The following TEKTL1 variants were observed in gnomAD, a reference collection of about 807,000 sequenced individuals.
TEKTL1 encodes the protein tektin like 1, also known as tektin-like protein 1.
the TEKTL1 span, among the ~76,000 whole-genome samples, chr19:15,017,226 T>C: frequency 2.0e-5 from 3 of 151,858 alleles, no homozygotes; most frequent in South Asian, 4.2e-4. Flanking sequence ...TGTAAATGAA[T>C]GAAGGAAGGA....
the TEKTL1 span, chr19:15,020,675 A>G: frequency 1.3e-5 from 21 of 1,600,608 alleles, no homozygotes; most frequent in South Asian, 1.8e-4. Flanking sequence ...AGTCCACTGT[A>G]CTGGGTCGTA....
the TEKTL1 span, among the ~76,000 whole-genome samples, chr19:15,014,005 C>T: frequency 6.6e-6 from 1 of 152,176 alleles, no homozygotes; most frequent in East Asian, 1.9e-4. Flanking sequence ...CCTGCGCAGT[C>T]ATTGAATCCA....
chr19:15,013,913 G>T, the TEKTL1 span: 2 of 616,864 alleles, frequency 3.2e-6, no homozygotes, highest in East Asian at 2.8e-5. Context: ...ACTGCATTTT[G>T]CTTTGTGAAA....
At chr19:15,013,818 A>G in the TEKTL1 span, 1 of 1,334,162 alleles carries the variant, frequency 7.5e-7, no homozygotes, top group Non-Finnish European at 1.1e-6. Flanking sequence ...CTGGAGGGGG[A>G]TCCCTGGCTG....
At chr19:15,016,987 G>A in the TEKTL1 span, among the ~76,000 whole-genome samples, 1 of 152,182 alleles carries the variant, frequency 6.6e-6, no homozygotes, top group African/African-American at 2.4e-5. Context: ...CAGGAGAGTT[G>A]CTTGAGGCCA....
the TEKTL1 span, chr19:15,011,101 C>A: frequency 1.1e-5 from 17 of 1,565,326 alleles, no homozygotes; most frequent in East Asian, 2.3e-5. Context: ...CAGGCGAGGG[C>A]GTCACGCTGT....
At chr19:15,023,110 G>C in the TEKTL1 span, 16 of 1,600,968 alleles carry the variant, frequency 1.0e-5, no homozygotes, top group Non-Finnish European at 1.3e-5. Context: ...AGAGCAGCGC[G>C]GACCCCTAGT....
chr19:15,018,715 A>ATATATATATATATATATATATAT, the TEKTL1 span, among the ~76,000 whole-genome samples: 6 of 68,290 alleles, frequency 8.8e-5, no homozygotes, highest in African/African-American at 2.5e-4. Context: ...CCTATCTCAA[A>ATATATATATATATATATATATAT]ATATGTATAT....
chr19:15,015,310 A>C, the TEKTL1 span, among the ~76,000 whole-genome samples: 4 of 152,204 alleles, frequency 2.6e-5, no homozygotes, highest in Non-Finnish European at 4.4e-5. Flanking sequence ...GATTTGTTTC[A>C]ACTTAAAATC....
At chr19:15,022,061 G>A in the TEKTL1 span, 1 of 694,392 alleles carries the variant, frequency 1.4e-6, no homozygotes. Context: ...TGGGGAGGCG[G>A]GGGCTTCACT....
At chr19:15,011,280 G>C in the TEKTL1 span, 2 of 1,521,842 alleles carry the variant, frequency 1.3e-6, no homozygotes, top group Non-Finnish European at 1.8e-6. Flanking sequence ...GGGCGGGTGC[G>C]ACAGCTGCTG....
chr19:15,021,036 C>T, the TEKTL1 span, among the ~76,000 whole-genome samples: 23 of 152,012 alleles, frequency 1.5e-4, no homozygotes, highest in Middle Eastern at 3.4e-3. Context: ...CCCACCACCA[C>T]GCCCGGCTAA....
chr19:15,022,144 C>T, the TEKTL1 span, among the ~76,000 whole-genome samples: 1 of 152,060 alleles, frequency 6.6e-6, no homozygotes, highest in South Asian at 2.1e-4. Flanking sequence ...CCCCTGTCCT[C>T]CCCCCTCACA....
chr19:15,020,000 C>T, the TEKTL1 span, among the ~76,000 whole-genome samples: 1 of 137,384 alleles, frequency 7.3e-6, no homozygotes, highest in South Asian at 2.4e-4. Flanking sequence ...AAGTAAAAAC[C>T]TTTACCAGTA....
chr19:15,010,946 C>A, the TEKTL1 span: 1 of 1,588,820 alleles, frequency 6.3e-7, no homozygotes, highest in Non-Finnish European at 8.5e-7. Context: ...TCGCTGCGGG[C>A]AGGAGGCGGT....
chr19:15,011,383 C>G, the TEKTL1 span: 9 of 1,436,202 alleles, frequency 6.3e-6, no homozygotes, highest in African/African-American at 7.5e-5. Flanking sequence ...GCTACAGGCC[C>G]AAGTCTGAGA....
At chr19:15,020,027 AT>A in the TEKTL1 span, among the ~76,000 whole-genome samples, 2 of 149,958 alleles carry the variant, frequency 1.3e-5, no homozygotes, top group Non-Finnish European at 3.0e-5. Flanking sequence ...AAAAAAAAAA[AT>A]TAGGCACACT....
At chr19:15,011,003 C>A in the TEKTL1 span, 2 of 1,588,638 alleles carry the variant, frequency 1.3e-6, no homozygotes, top group Non-Finnish European at 1.7e-6. Context: ...GAACGTGGCC[C>A]ACCACCTCGG....
At chr19:15,023,032 C>T in the TEKTL1 span, 4 of 1,612,592 alleles carry the variant, frequency 2.5e-6, no homozygotes, top group Non-Finnish European at 2.5e-6. Context: ...GGCAACCGCA[C>T]GTGTGCTACG....
Sources: allele counts gnomAD v4.1 joint callset (sites outside exome capture counted in the v4.1 genomes callset), GRCh38; gene constraint gnomAD v4.1.1; transcripts MANE v1.5; gene names NCBI Gene and HGNC (gene_info 2026-07-23, HGNC 2026-07-21).